Variants in TMEM61 observed in about 807,000 individuals in gnomAD.
The protein encoded by TMEM61 is transmembrane protein 61.
In TMEM61, 13 loss-of-function variants were observed where a neutral mutation model predicts 12.0. The observed-to-expected ratio is 1.08, with a 90% CI of 0.70 to 1.72. TMEM61 has a LOEUF of 1.72. Among genes scored for constraint, TMEM61 ranks in the 40% most tolerant of loss-of-function variants. TMEM61 has a pLI of 0.00. For synonymous variants in TMEM61, 109 were observed against 121.4 expected (o/e 0.90, Z 0.67); for missense variants, 249 against 276.9 (o/e 0.90, Z 0.71).
chr1:54,985,261 G>C (rs1042867941), intron 1 of TMEM61, among the ~76,000 whole-genome samples: 2 of 84,768 alleles, frequency 2.4e-5, no homozygotes, highest in Non-Finnish European at 4.0e-5. Context: ...GTGTGTGACA[G>C]AGTCTCACTC....
rs1644305696 is a variant in TMEM61 at position 54,992,259 on chromosome 1, G to C, written c.*156G>C. ...GTATAACAAACCACCCCAGAATTTA[G>C]TGGCTTAAAATAAATCCCATTTTAT... On this transcript the variant is annotated 3_prime_UTR_variant, in exon 3 of 3. Transcript: ENST00000371268. 3.3e-6 allele frequency: 3 copies of C among 907,416 alleles called. No homozygotes were observed. The highest frequency in any genetic ancestry group is 5.6e-5 in the Admixed American group (2 of 36,016). 56.2% of individuals were successfully genotyped at this position (907,416 alleles called of 1,614,324 possible). A position where few individuals can be genotyped will look rare whatever the true frequency, so the allele number is the denominator to read the frequency against.
chr1:54,982,682 G>A (rs1490212759), intron 1 of TMEM61, among the ~76,000 whole-genome samples: 4 of 152,180 alleles, frequency 2.6e-5, no homozygotes, highest in East Asian at 1.9e-4. Context: ...AGAGCTGCCC[G>A]TGCCAAAGAC....
At chr1:54,990,781 G>A (rs990801737) in intron 2 of TMEM61, among the ~76,000 whole-genome samples, 5 of 152,134 alleles carry the variant, frequency 3.3e-5, no homozygotes, top group Non-Finnish European at 7.4e-5. Context: ...GCTGCCCTCC[G>A]TGAGCCCATT....
At chr1:54,985,993 C>A in intron 1 of TMEM61, 104 bp from the exon 2 acceptor site, 1 of 1,030,822 alleles carries the variant, frequency 9.7e-7, no homozygotes, top group Non-Finnish European at 1.4e-6. Context: ...AGTTAAGTGA[C>A]TTCTCCAAGG....
chr1:54,985,481 C>G (rs1644251508), intron 1 of TMEM61, among the ~76,000 whole-genome samples: 1 of 152,230 alleles, frequency 6.6e-6, no homozygotes. Flanking sequence ...AGGTGATCTG[C>G]CCGCCTTGGC....
intron 1 of TMEM61, among the ~76,000 whole-genome samples, chr1:54,983,311 G>A (rs893744382): frequency 5.3e-5 from 8 of 151,542 alleles, no homozygotes; most frequent in Non-Finnish European, 7.4e-5. Flanking sequence ...TAGTAGAGAC[G>A]GGGGTTTCAC....
chr1:54,991,707 C>A, intron 2 of TMEM61, 129 bp from the exon 3 acceptor site: 1 of 1,150,938 alleles, frequency 8.7e-7, no homozygotes, highest in Non-Finnish European at 1.2e-6. Context: ...TATATGTGAC[C>A]CTGGAGAGCC....
chr1:54,986,132 C>T lies in TMEM61; in HGVS notation c.51C>T (p.Arg17=). The part of the protein sequence containing the change: ...CDGSHLASTL[R]YCMTVSGTVV... Reference sequence around the variant, plus strand: ...GGAGCCACTTGGCCTCCACCCTCCGCTATTGCATGACAGTCAGCGGCACAG... The same window carrying T: ...GGAGCCACTTGGCCTCCACCCTCCGTTATTGCATGACAGTCAGCGGCACAG... Residue 17 remains arginine, a synonymous_variant, in exon 2 of 3, where the codon CGC becomes CGT. Transcript: ENST00000371268. The T allele has an allele frequency of 6.2e-7, 1 of 1,604,854 alleles. No homozygotes were observed. The highest frequency in any genetic ancestry group is 1.7e-5 in the Admixed American group (1 of 59,686).
chr1:54,980,939 C>A lies in TMEM61; in HGVS notation c.-127C>A. On this transcript the variant is annotated 5_prime_UTR_variant, in exon 1 of 3. Transcript: ENST00000371268. The stretch of plus-strand genomic sequence containing the variant: ...GGCCAGGCCCCTCCGCCCCTAACAC[C>A]CGCGCCTCCTGCAGACCCGAGGGTC... 1.9e-6 allele frequency: 2 copies of A among 1,050,574 alleles called. No individual in the cohort carries two copies. The highest frequency in any genetic ancestry group is 1.9e-5 in the South Asian group (1 of 52,962). The allele number at this position is 1,050,574 out of a possible 1,614,324, so 65.1% of individuals were successfully genotyped here.
intron 1 of TMEM61, among the ~76,000 whole-genome samples, chr1:54,983,627 A>C (rs190226165): frequency 6.6e-6 from 1 of 152,146 alleles, no homozygotes; most frequent in Non-Finnish European, 1.5e-5. Flanking sequence ...CCTCATTTGT[A>C]AAATGGGACT....
At chr1:54,989,431 G>C (rs1416238907) in intron 2 of TMEM61, among the ~76,000 whole-genome samples, 3 of 152,248 alleles carry the variant, frequency 2.0e-5, no homozygotes, top group Non-Finnish European at 4.4e-5. Context: ...CTGAAAGGCA[G>C]TGGAGCTGGT....
Position 54,980,938 on chromosome 1 carries a change from C to A in TMEM61, c.-128C>A, listed in dbSNP as rs1484528574. 2.8e-5 allele frequency: 29 copies of A among 1,040,824 alleles called. No homozygotes were observed. The highest frequency in any genetic ancestry group is 4.0e-6 in the Non-Finnish European group (3 of 752,806). The allele number at this position is 1,040,824 out of a possible 1,614,324, so 64.5% of individuals were successfully genotyped here. A position where few individuals can be genotyped will look rare whatever the true frequency, so the allele number is the denominator to read the frequency against. ...CGGCCAGGCCCCTCCGCCCCTAACACCCGCGCCTCCTGCAGACCCGAGGGT... is the reference window on the plus strand; with the variant it reads ...CGGCCAGGCCCCTCCGCCCCTAACAACCGCGCCTCCTGCAGACCCGAGGGT... On this transcript the variant is annotated 5_prime_UTR_variant, in exon 1 of 3. Transcript: ENST00000371268.
At chr1:54,985,273 T>G (rs1644250199) in intron 1 of TMEM61, among the ~76,000 whole-genome samples, 1 of 151,346 alleles carries the variant, frequency 6.6e-6, no homozygotes, top group South Asian at 2.1e-4. Context: ...GTCTCACTCT[T>G]TTGCCCAGGC....
Position 54,980,724 on chromosome 1 carries a change from T to G in TMEM61, c.-342T>G. The G allele has an allele frequency of 3.9e-6, 1 of 257,314 alleles. No individual in the cohort carries two copies. The highest frequency in any genetic ancestry group is 7.3e-6 in the Non-Finnish European group (1 of 136,434). The allele number at this position is 257,314 out of a possible 1,614,324, so 15.9% of individuals were successfully genotyped here. On this transcript the variant is annotated 5_prime_UTR_variant, in exon 1 of 3. Coordinates refer to ENST00000371268, the MANE Select transcript of TMEM61 (RefSeq NM_182532.3). Reference sequence around the variant, plus strand: ...GCGAGGCCCGGGTCCCGCGCTCCCCTGGGCGCCCCACGGCAGCCTCAGAGC... The same window carrying G: ...GCGAGGCCCGGGTCCCGCGCTCCCCGGGGCGCCCCACGGCAGCCTCAGAGC...
chr1:54,989,240 A>C (rs1172497273), intron 2 of TMEM61, among the ~76,000 whole-genome samples: 2 of 152,222 alleles, frequency 1.3e-5, no homozygotes, highest in African/African-American at 4.8e-5. Flanking sequence ...TGAGCTTTGC[A>C]GTCAGACGAA....
chr1:54,983,109 G>T (rs200147176), intron 1 of TMEM61, among the ~76,000 whole-genome samples: 130 of 109,468 alleles, frequency 1.2e-3, no homozygotes, highest in Admixed American at 2.1e-3. Flanking sequence ...GTTTTGCTTT[G>T]TTTTTTTTTT....
chr1:54,991,454 G>A (rs1223687191), intron 2 of TMEM61, among the ~76,000 whole-genome samples: 4 of 152,166 alleles, frequency 2.6e-5, no homozygotes, highest in Admixed American at 6.5e-5. Flanking sequence ...TTCAATAGGC[G>A]GGAGTCTTCT....
In TMEM61 at chr1:54,980,989, T is replaced by A; in HGVS notation, c.-77T>A. ...CGCCGCTGGTAGGGTCGCTCAGCCC[T>A]GGCGTCCTCCACCACCACACCTTCA... On this transcript the variant is annotated 5_prime_UTR_variant, in exon 1 of 3. Coordinates refer to ENST00000371268, the MANE Select transcript of TMEM61 (RefSeq NM_182532.3). 1 of 1,479,536 alleles carries A rather than the reference T, an allele frequency of 6.8e-7. No homozygotes were observed. The highest frequency in any genetic ancestry group is 1.4e-5 in the African/African-American group (1 of 71,246). The allele number at this position is 1,479,536 out of a possible 1,614,324, so 91.7% of individuals were successfully genotyped here.
chr1:54,982,490 C>A (rs1157716836), intron 1 of TMEM61, among the ~76,000 whole-genome samples: 2 of 152,186 alleles, frequency 1.3e-5, no homozygotes, highest in Admixed American at 1.3e-4. Context: ...CCCCAACCGT[C>A]CCCCAGGATG....
Sources: gnomAD v4.1 joint callset for allele counts (sites outside exome capture counted in the v4.1 genomes callset) on GRCh38, gnomAD v4.1.1 for gene constraint, MANE v1.5 for transcripts, NCBI Gene and HGNC (gene_info 2026-07-23, HGNC 2026-07-21) for gene names.